Variants in DOCK4 observed in about 807,000 individuals in gnomAD.
The protein encoded by DOCK4 is dedicator of cytokinesis protein 4.
Under a neutral mutation model 268.1 loss-of-function variants are expected in DOCK4, and 97 were observed. That is an observed-to-expected ratio of 0.36 (90% CI 0.31 to 0.43). The LOEUF (loss-of-function observed/expected upper bound fraction) is 0.43. Among genes scored for constraint, DOCK4 ranks in the 20% least tolerant of loss-of-function variants. The pLI, the probability that DOCK4 is intolerant of heterozygous loss-of-function variation, is 1.00. For missense variants in DOCK4, 2,145 were observed against 2,455.7 expected (o/e 0.87, Z 2.67); for synonymous variants, 954 against 887.2 (o/e 1.08, Z -1.34).
chr7:111,785,110 C>G (rs77324750), intron 32 of DOCK4, among the ~76,000 whole-genome samples: 5,061 of 152,236 alleles, frequency 0.033, 292 homozygotes, highest in African/African-American at 0.12. Context: ...TTGTCTCCTC[C>G]TGTGTTTCCT....
chr7:112,048,399 A>C (rs1805032273), intron 1 of DOCK4, among the ~76,000 whole-genome samples: 1 of 149,212 alleles, frequency 6.7e-6, no homozygotes, highest in African/African-American at 2.4e-5. Context: ...CAAAAAAAAA[A>C]AAAAAAAAAA....
chr7:111,740,292 G>C (rs921271836), intron 47 of DOCK4: 4 of 267,476 alleles, frequency 1.5e-5, no homozygotes, highest in Non-Finnish European at 3.0e-5. Flanking sequence ...TAGAGACGGG[G>C]TTTCACCATG....
rs1795711892 is a variant in DOCK4, at chr7:111,739,130, G to A, written c.5232+4C>T. 2 of 1,607,264 alleles carry A rather than the reference G, an allele frequency of 1.2e-6. No individual in the cohort carries two copies. Among genetic ancestry groups the A allele is most frequent in the African/African-American group, 2.7e-5 (2 of 74,866 alleles). Reference sequence around the variant, plus strand: ...TTCTAGTTTCTCTACCCTACAAGGAGTACCTGCGAAGGCTCCACAGGTGTT... The same window carrying A: ...TTCTAGTTTCTCTACCCTACAAGGAATACCTGCGAAGGCTCCACAGGTGTT... On this transcript the variant is annotated splice_donor_region_variant and intron_variant, in intron 49 of 52. Coordinates refer to ENST00000428084, the MANE Select transcript of DOCK4 (RefSeq NM_001363540.2).
chr7:111,936,391 A>G (rs1404950975), intron 11 of DOCK4, among the ~76,000 whole-genome samples: 1 of 152,070 alleles, frequency 6.6e-6, no homozygotes, highest in Non-Finnish European at 1.5e-5. Flanking sequence ...GGAGACTGTT[A>G]AGGTTCTTGA....
chr7:111,752,279 CTT>C (rs1004716467), intron 42 of DOCK4, among the ~76,000 whole-genome samples: 10 of 152,092 alleles, frequency 6.6e-5, no homozygotes, highest in African/African-American at 2.4e-4. Flanking sequence ...TATGCTATAA[CTT>C]AAGTTTAAAA....
chr7:111,946,580 T>G (rs1329634577), intron 8 of DOCK4, among the ~76,000 whole-genome samples: 1 of 152,192 alleles, frequency 6.6e-6, no homozygotes, highest in Non-Finnish European at 1.5e-5. Flanking sequence ...TGCCATTTAT[T>G]TATTTATTAT....
intron 1 of DOCK4, among the ~76,000 whole-genome samples, chr7:112,084,715 C>T (rs1277916541): frequency 6.6e-6 from 1 of 152,016 alleles, no homozygotes; most frequent in Non-Finnish European, 1.5e-5. Flanking sequence ...AGAAAATCTC[C>T]CTTCATGTTT....
intron 26 of DOCK4, among the ~76,000 whole-genome samples, chr7:111,830,778 A>G (rs1354702804): frequency 5.3e-5 from 8 of 151,532 alleles, no homozygotes. Flanking sequence ...ACTGCATACA[A>G]TCCACTGTAT....
At chr7:112,138,196 CT>C (rs1289974419) in intron 1 of DOCK4, among the ~76,000 whole-genome samples, 15 of 152,330 alleles carry the variant, frequency 9.8e-5, no homozygotes, top group African/African-American at 3.4e-4. Context: ...ATTTTACTAT[CT>C]TTTCAGTACA....
At chr7:111,778,188 T>C (rs190254220) in intron 36 of DOCK4, 88 bp downstream of exon 36, 1 of 863,376 alleles carries the variant, frequency 1.2e-6, no homozygotes, top group African/African-American at 1.7e-5. Context: ...AATGCTTGAG[T>C]CTTTCCACTC....
At chr7:111,765,593 G>T (rs1028785054) in intron 38 of DOCK4, among the ~76,000 whole-genome samples, 1 of 152,166 alleles carries the variant, frequency 6.6e-6, no homozygotes, top group African/African-American at 2.4e-5. Flanking sequence ...TCACAATCAA[G>T]TAGAAATTAA....
intron 41 of DOCK4, among the ~76,000 whole-genome samples, chr7:111,758,043 G>T (rs947676741): frequency 1.3e-5 from 2 of 152,024 alleles, no homozygotes; most frequent in Non-Finnish European, 2.9e-5. Flanking sequence ...TGAGAGCAGA[G>T]AACTCAACAC....
At chr7:112,127,327 G>A (rs1426273306) in intron 1 of DOCK4, among the ~76,000 whole-genome samples, 27 of 147,072 alleles carry the variant, frequency 1.8e-4, no homozygotes, top group East Asian at 4.1e-4. Flanking sequence ...ACCAAACACC[G>A]CATGTTCTCA....
Position 111,760,209 on chromosome 7 carries a change from A to G in DOCK4, c.4134T>C (p.Asp1378=), listed in dbSNP as rs1797290023. 1.2e-6 allele frequency: 2 copies of G among 1,613,742 alleles called. No individual in the cohort carries two copies. The highest frequency in any genetic ancestry group is 1.1e-5 in the South Asian group (1 of 91,076). Residue 1378 remains aspartate, a synonymous_variant, in exon 40 of 53, where the codon GAT becomes GAC. Transcript: ENST00000428084. The stretch of plus-strand genomic sequence containing the variant: ...GAGCTTCTGCCTGGAAGATGGTCTC[A>G]TCGGGCTGGTTGGCGTGCTGCATGG... ...AIAMQHANQP[D]ETIFQAEAQY... is the part of the protein sequence containing the mutation.
chr7:111,900,934 G>A (rs546449754), intron 14 of DOCK4, among the ~76,000 whole-genome samples: 1 of 152,138 alleles, frequency 6.6e-6, no homozygotes, highest in African/African-American at 2.4e-5. Flanking sequence ...TGAAGAAGGG[G>A]CTCATGAAAA....
At chr7:112,090,943 A>C (rs10236078) in intron 1 of DOCK4, among the ~76,000 whole-genome samples, 20,719 of 151,910 alleles carry the variant, frequency 0.14, 1,992 homozygotes, top group East Asian at 0.4. Flanking sequence ...CTAGGCAGGG[A>C]CCCCCTGACT....
At chr7:111,827,272 G>A (rs1802477273) in intron 26 of DOCK4, among the ~76,000 whole-genome samples, 1 of 152,128 alleles carries the variant, frequency 6.6e-6, no homozygotes, top group Non-Finnish European at 1.5e-5. Flanking sequence ...CCATCTTTTA[G>A]AGCTATATAA....
At chr7:111,942,851 T>A (rs1795319586) in intron 10 of DOCK4, among the ~76,000 whole-genome samples, 1 of 152,176 alleles carries the variant, frequency 6.6e-6, no homozygotes, top group Non-Finnish European at 1.5e-5. Flanking sequence ...CCCTCCCCTG[T>A]CCAGGTGTGC....
intron 1 of DOCK4, among the ~76,000 whole-genome samples, chr7:112,055,716 T>C (rs931569947): frequency 6.6e-6 from 1 of 152,052 alleles, no homozygotes; most frequent in East Asian, 1.9e-4. Context: ...GAAACCAGCC[T>C]GGCCAATGTG....
Sources: gnomAD v4.1 joint callset for allele counts (sites outside exome capture counted in the v4.1 genomes callset) on GRCh38, gnomAD v4.1.1 for gene constraint, MANE v1.5 for transcripts, NCBI Gene and HGNC (gene_info 2026-07-23, HGNC 2026-07-21) for gene names.